ZNF787: variants seen among roughly 807,000 people sequenced by gnomAD.
The protein encoded by ZNF787 is TTF-I-interacting peptide 20.
ZNF787 carries 7 observed loss-of-function variants against 16.9 expected under a neutral mutation model. The observed-to-expected ratio is 0.42, with a 90% confidence interval of 0.24 to 0.78. ZNF787 has a LOEUF of 0.78. ZNF787 is among the 30% of genes least tolerant of loss of function. The probability of loss-of-function intolerance (pLI) is 0.30; values close to 1 mark genes in which losing one functional copy is unlikely to be tolerated. For missense variants in ZNF787, 551 were observed against 589.3 expected (o/e 0.94, Z 0.67); for synonymous variants, 345 against 270.9 (o/e 1.27, Z -2.69).
At chr19:56,097,036 G>A (rs1444407692) in intron 2 of ZNF787, among the ~76,000 whole-genome samples, 1 of 152,144 alleles carries the variant, frequency 6.6e-6, no homozygotes, top group Non-Finnish European at 1.5e-5. Context: ...AGAGCCATGG[G>A]TCTCACCCTC....
chr19:56,097,725 G>A (rs955534944), intron 2 of ZNF787, among the ~76,000 whole-genome samples: 5 of 152,190 alleles, frequency 3.3e-5, no homozygotes, highest in South Asian at 2.1e-4. Flanking sequence ...CGGCCCTGAC[G>A]GCAAAGGCGC....
intron 1 of ZNF787, among the ~76,000 whole-genome samples, chr19:56,110,218 G>C (rs1356047793): frequency 6.6e-6 from 1 of 152,082 alleles, no homozygotes. Context: ...AACTTAGCCA[G>C]GCATGGTGGC....
At chr19:56,090,747 G>A (rs957617433) in intron 2 of ZNF787, among the ~76,000 whole-genome samples, 8 of 152,180 alleles carry the variant, frequency 5.3e-5, no homozygotes, top group Non-Finnish European at 1.0e-4. Context: ...ACTTGAACCC[G>A]GGAGGCAGAG....
intron 1 of ZNF787, among the ~76,000 whole-genome samples, chr19:56,112,244 G>A (rs960563410): frequency 2.6e-5 from 4 of 152,162 alleles, no homozygotes; most frequent in African/African-American, 9.7e-5. Flanking sequence ...GGCTATTCAA[G>A]GAATCTACCA....
intron 1 of ZNF787, among the ~76,000 whole-genome samples, chr19:56,105,216 C>G (rs1203744615): frequency 6.6e-6 from 1 of 152,156 alleles, no homozygotes; most frequent in East Asian, 1.9e-4. Context: ...TCCCACCCTC[C>G]TGCAGGCGCG....
chr19:56,088,050 G>C lies in ZNF787; in HGVS notation c.1122C>G (p.Pro374=), dbSNP rs56034363. ...DDDEAAGGRC[P]ECRGGEGR is the part of the protein sequence containing the mutation. ...ACCGGCCCTCCCCACCGCGGCACTCGGGGCACCGCCCGCCCGCGGCCTCGT... is the reference window on the plus strand; with the variant it reads ...ACCGGCCCTCCCCACCGCGGCACTCCGGGCACCGCCCGCCCGCGGCCTCGT... The change falls in exon 3 of 3, where the codon CCC becomes CCG. Residue 374 remains proline, a synonymous_variant. Coordinates refer to ENST00000610935, the MANE Select transcript of ZNF787 (RefSeq NM_001002836.4). This position sits in a 1 kb window ranked among gnomAD's most constrained non-coding sequence, Gnocchi z 8.6. 5.1e-6 allele frequency: 7 copies of C among 1,361,008 alleles called. No individual in the cohort carries two copies. Among genetic ancestry groups the C allele is most frequent in the Non-Finnish European group, 6.6e-6 (7 of 1,065,480 alleles). The allele number at this position is 1,361,008 out of a possible 1,614,324, so 84.3% of individuals were successfully genotyped here.
At chr19:56,112,878 T>TCCCC in intron 1 of ZNF787, among the ~76,000 whole-genome samples, 1 of 126,348 alleles carries the variant, frequency 7.9e-6, no homozygotes, top group Admixed American at 7.9e-5. Context: ...GACCAGCCGT[T>TCCCC]CCCCCCACCC....
intron 1 of ZNF787, among the ~76,000 whole-genome samples, chr19:56,112,473 ATTG>A (rs1432009212): frequency 6.6e-6 from 1 of 151,906 alleles, no homozygotes; most frequent in Non-Finnish European, 1.5e-5. Context: ...GATTGTTATT[ATTG>A]TTGTTATTAA....
In ZNF787 at chr19:56,121,216, C is replaced by T. The variant is rs2030290715; in HGVS notation, c.-55G>A. 6.7e-6 allele frequency: 1 copy of T among 149,910 alleles called. No homozygotes were observed. The highest frequency in any genetic ancestry group is 1.5e-5 in the Non-Finnish European group (1 of 67,414). The allele number at this position is 149,910 out of a possible 1,614,324, so 9.3% of individuals were successfully genotyped here. On this transcript the variant is annotated 5_prime_UTR_variant, in exon 1 of 3. Coordinates refer to ENST00000610935, the MANE Select transcript of ZNF787 (RefSeq NM_001002836.4). ...CCGCGCCGCACTCCTCCTCCTCTCT[C>T]CTGCCTCGCGGATGGTGGCAGCGGC...
chr19:56,120,621 G>C (rs1324650923), intron 1 of ZNF787, among the ~76,000 whole-genome samples: 1 of 151,608 alleles, frequency 6.6e-6, no homozygotes, highest in Non-Finnish European at 1.5e-5. Flanking sequence ...GGGCTGACTC[G>C]AAAAGGGGAA....
At chr19:56,107,703 T>C in intron 1 of ZNF787, among the ~76,000 whole-genome samples, 1 of 143,504 alleles carries the variant, frequency 7.0e-6, no homozygotes, top group Non-Finnish European at 1.5e-5. Context: ...GGGGAGAAAG[T>C]GACGGGCAGC....
intron 1 of ZNF787, among the ~76,000 whole-genome samples, chr19:56,105,751 A>G (rs1399034347): frequency 2.0e-5 from 3 of 151,972 alleles, no homozygotes; most frequent in Admixed American, 1.3e-4. Flanking sequence ...TGATCCCCTC[A>G]CCACAACATT....
At position 56,121,269 on chromosome 19, in the gene ZNF787, A is replaced by C. The variant is rs1335401512; in HGVS notation, c.-108T>G. 6.7e-6 allele frequency: 1 copy of C among 149,624 alleles called. No homozygotes were observed. Among genetic ancestry groups the C allele is most frequent in the Non-Finnish European group, 1.5e-5 (1 of 67,432 alleles). The allele number at this position is 149,624 out of a possible 1,614,324, so 9.3% of individuals were successfully genotyped here. On this transcript the variant is annotated 5_prime_UTR_variant, in exon 1 of 3. Transcript: ENST00000610935. ...CAGCGGCGACTCAGACCCTGGGGTC[A>C]GGGGGACGGGCGCCCAGGCCGGAAG...
At chr19:56,091,847 C>T (rs1371372506) in intron 2 of ZNF787, among the ~76,000 whole-genome samples, 9 of 152,158 alleles carry the variant, frequency 5.9e-5, no homozygotes, top group Non-Finnish European at 1.2e-4. Context: ...TGGTTTCTGA[C>T]AAGAGGCTGC....
intron 2 of ZNF787, 51 bp from the exon 3 acceptor site, chr19:56,089,143 A>T: frequency 7.4e-7 from 1 of 1,354,264 alleles, no homozygotes. Context: ...CAAGGGCTCC[A>T]CGCCTGCCTT....
At position 56,087,965 on chromosome 19, in the gene ZNF787, G is replaced by T; in HGVS notation, c.*58C>A. ...CTCCCTGGGTCTCTTGGTCTTGCAC[G>T]TCGTCGCTCCCGCCAAGCCCGAGGG... is the stretch of plus-strand genomic sequence containing the variant. On this transcript the variant is annotated 3_prime_UTR_variant, in exon 3 of 3. Coordinates refer to ENST00000610935, the MANE Select transcript of ZNF787 (RefSeq NM_001002836.4). 2 of 1,297,310 alleles carry T rather than the reference G, an allele frequency of 1.5e-6. No homozygotes were observed. Among genetic ancestry groups the T allele is most frequent in the Non-Finnish European group, 2.0e-6 (2 of 1,025,334 alleles). 80.4% of individuals were successfully genotyped at this position (1,297,310 alleles called of 1,614,324 possible).
At chr19:56,110,230 C>G (rs1431558375) in intron 1 of ZNF787, among the ~76,000 whole-genome samples, 2 of 151,522 alleles carry the variant, frequency 1.3e-5, no homozygotes, top group Non-Finnish European at 2.9e-5. Context: ...CATGGTGGCT[C>G]GTGCCTGTAG....
At chr19:56,101,056 C>T (rs1599948069) in intron 2 of ZNF787, among the ~76,000 whole-genome samples, 1 of 136,830 alleles carries the variant, frequency 7.3e-6, no homozygotes, top group Non-Finnish European at 1.6e-5. Flanking sequence ...ATAGGAGGGA[C>T]GCACGTAAGT....
At chr19:56,119,448 C>T (rs1356935539) in intron 1 of ZNF787, among the ~76,000 whole-genome samples, 3 of 152,204 alleles carry the variant, frequency 2.0e-5, no homozygotes, top group African/African-American at 7.2e-5. Context: ...GAGCCCTTTC[C>T]ATTTACTTTA....
Sources: gnomAD v4.1 joint callset for allele counts (sites outside exome capture counted in the v4.1 genomes callset) on GRCh38, gnomAD v4.1.1 for gene constraint, Gnocchi (gnomAD v3.1) non-coding constraint, MANE v1.5 for transcripts, NCBI Gene and HGNC (gene_info 2026-07-23, HGNC 2026-07-21) for gene names.